Variants in EPHA5 observed in about 807,000 individuals in gnomAD.
The protein encoded by EPHA5 is ephrin type-A receptor 5.
A neutral mutation model predicts 105.0 loss-of-function variants in EPHA5; 60 were observed. The observed-to-expected ratio is 0.57, with a 90% CI of 0.46 to 0.71. The LOEUF (loss-of-function observed/expected upper bound fraction) is 0.71, where lower values mean the gene tolerates loss of function less well. Among genes scored for constraint, EPHA5 ranks in the 30% least tolerant of loss-of-function variants. EPHA5 has a pLI of 0.00. For missense variants in EPHA5, 1,218 were observed against 1,274.7 expected, an observed-to-expected ratio of 0.96 and a Z score of 0.68; for synonymous variants, 513 against 449.1, an observed-to-expected ratio of 1.14 and a Z score of -1.80.
intron 16 of EPHA5, among the ~76,000 whole-genome samples, chr4:65,325,934 T>C (rs73214241): frequency 6.6e-6 from 1 of 150,480 alleles, no homozygotes; most frequent in Non-Finnish European, 1.5e-5. Context: ...CCTTCATTTT[T>C]ACAAGATAAA....
intron 5 of EPHA5, among the ~76,000 whole-genome samples, chr4:65,443,494 T>A (rs1473564098): frequency 6.6e-6 from 1 of 151,958 alleles, no homozygotes; most frequent in Non-Finnish European, 1.5e-5. Flanking sequence ...CAGCTATCAT[T>A]TCCAGGTTGA....
At chr4:65,625,193 G>T (rs79212255) in intron 2 of EPHA5, among the ~76,000 whole-genome samples, 5,218 of 152,040 alleles carry the variant, frequency 0.034, 280 homozygotes, top group African/African-American at 0.12. Context: ...AATATAGAGA[G>T]CTATGTTGTA....
chr4:65,398,058 C>T (rs1015596758), intron 8 of EPHA5, among the ~76,000 whole-genome samples: 1 of 152,102 alleles, frequency 6.6e-6, no homozygotes, highest in Non-Finnish European at 1.5e-5. Flanking sequence ...AGGGGAGGAG[C>T]CCCACCCTCT....
At chr4:65,360,961 T>C (rs975901094) in intron 11 of EPHA5, among the ~76,000 whole-genome samples, 2 of 151,634 alleles carry the variant, frequency 1.3e-5, no homozygotes, top group Non-Finnish European at 3.0e-5. Flanking sequence ...AAGTAACATA[T>C]AGCATGACAG....
chr4:65,502,182 C>T (rs1435087652), intron 3 of EPHA5, among the ~76,000 whole-genome samples: 1 of 151,434 alleles, frequency 6.6e-6, no homozygotes, highest in Non-Finnish European at 1.5e-5. Flanking sequence ...CCATTCTAGA[C>T]ATTGACTTTG....
At chr4:65,629,391 A>G (rs1429031954) in intron 2 of EPHA5, among the ~76,000 whole-genome samples, 1 of 152,234 alleles carries the variant, frequency 6.6e-6, no homozygotes, top group Non-Finnish European at 1.5e-5. Flanking sequence ...TCAAAGCATC[A>G]TAGAGGAACA....
chr4:65,615,721 G>A (rs1050066631), intron 2 of EPHA5, among the ~76,000 whole-genome samples: 8 of 151,798 alleles, frequency 5.3e-5, no homozygotes, highest in African/African-American at 1.7e-4. Context: ...TCAAATTAAA[G>A]CTCCAATGAG....
rs1406548942 is a variant in EPHA5, at chr4:65,371,096, T to TC, written c.1794-3673dup. Among the ~76,000 whole-genome samples, 4 of 152,172 alleles carry TC rather than the reference T, an allele frequency of 2.6e-5. No homozygotes were observed. In the East Asian group the frequency reaches 5.8e-4, roughly 22 times the overall value. On this transcript the variant is annotated intron_variant, in intron 8 of 16. Transcript: ENST00000613740. ...TTTTCTGGAAATGATGTCTTTTTTT[T>TC]CTGAATGGAAAATAAACTATTTTTT... is the stretch of plus-strand genomic sequence containing the variant.
intron 5 of EPHA5, among the ~76,000 whole-genome samples, chr4:65,468,557 TATTATATATTA>T (rs1560571512): frequency 1.8e-3 from 110 of 61,640 alleles, no homozygotes; most frequent in African/African-American, 7.4e-3. Context: ...ATAATATATA[TATTATATATTA>T]TATATATATA....
At chr4:65,665,797 C>A (rs1749917294) in intron 1 of EPHA5, among the ~76,000 whole-genome samples, 1 of 152,152 alleles carries the variant, frequency 6.6e-6, no homozygotes, top group South Asian at 2.1e-4. Flanking sequence ...AGACCTAGGT[C>A]CCCTTTTCAT....
intron 3 of EPHA5, among the ~76,000 whole-genome samples, chr4:65,585,120 TTGTGTGTG>T (rs76180882): frequency 2.7e-5 from 4 of 148,918 alleles, no homozygotes; most frequent in African/African-American, 7.4e-5. Context: ...GCATGTGTGT[TTGTGTGTG>T]TGTGTGTGTG....
chr4:65,565,532 C>T (rs1004668195), intron 3 of EPHA5, among the ~76,000 whole-genome samples: 1 of 151,322 alleles, frequency 6.6e-6, no homozygotes, highest in East Asian at 1.9e-4. Context: ...TATTTTACTT[C>T]AGTATTTTTG....
chr4:65,667,795 C>T (rs1454015268), intron 1 of EPHA5, among the ~76,000 whole-genome samples: 1 of 152,166 alleles, frequency 6.6e-6, no homozygotes, highest in Non-Finnish European at 1.5e-5. Flanking sequence ...CCTTCCATCA[C>T]ACCTGGAGAG....
intron 3 of EPHA5, among the ~76,000 whole-genome samples, chr4:65,583,991 C>T (rs1741890182): frequency 6.6e-6 from 1 of 151,202 alleles, no homozygotes; most frequent in Non-Finnish European, 1.5e-5. Context: ...ATGTAATATG[C>T]TAAGTATAAA....
At chr4:65,402,913 G>A (rs934420194) in intron 8 of EPHA5, among the ~76,000 whole-genome samples, 3 of 152,124 alleles carry the variant, frequency 2.0e-5, no homozygotes, top group African/African-American at 7.2e-5. Context: ...TATAGGTTGT[G>A]CATTCTCCCC....
chr4:65,611,829 G>C (rs1007896474), intron 2 of EPHA5, among the ~76,000 whole-genome samples: 4 of 151,640 alleles, frequency 2.6e-5, no homozygotes, highest in Admixed American at 6.6e-5. Flanking sequence ...TTTCTCAAAT[G>C]TAAGTGGCTA....
chr4:65,506,844 G>A (rs971257005), intron 3 of EPHA5, among the ~76,000 whole-genome samples: 14 of 151,884 alleles, frequency 9.2e-5, no homozygotes, highest in African/African-American at 3.4e-4. Context: ...TGTCTGCTGT[G>A]CAGAAGCTCT....
chr4:65,618,722 T>C (rs1317796788), intron 2 of EPHA5, among the ~76,000 whole-genome samples: 8 of 152,230 alleles, frequency 5.3e-5, no homozygotes, highest in African/African-American at 1.7e-4. Flanking sequence ...AACCTGAATT[T>C]TTTAGAAGAT....
chr4:65,573,577 G>T, intron 3 of EPHA5: 1 of 1,598,544 alleles, frequency 6.3e-7, no homozygotes, highest in Non-Finnish European at 8.5e-7. Flanking sequence ...CCCAAGAAGG[G>T]GAAGCCCCGT....
Sources: allele counts gnomAD v4.1 joint callset (sites outside exome capture counted in the v4.1 genomes callset), GRCh38; gene constraint gnomAD v4.1.1; transcripts MANE v1.5; gene names NCBI Gene and HGNC (gene_info 2026-07-23, HGNC 2026-07-21).